ENPP6: variants seen among roughly 807,000 people sequenced by gnomAD.
ENPP6 encodes the protein ectonucleotide pyrophosphatase/phosphodiesterase 6.
A neutral mutation model predicts 42.0 loss-of-function variants in ENPP6; 32 were observed. That is an observed-to-expected ratio of 0.76 (90% confidence interval 0.58 to 1.02). The LOEUF (loss-of-function observed/expected upper bound fraction) is 1.02, where lower values mean the gene tolerates loss of function less well. ENPP6 is among the 50% of genes least tolerant of loss of function. ENPP6 has a pLI of 0.00. For synonymous variants in ENPP6, 213 were observed against 216.0 expected, an observed-to-expected ratio of 0.99 and a Z score of 0.12; for missense variants, 552 against 566.8, an observed-to-expected ratio of 0.97 and a Z score of 0.27.
Position 184,089,692 on chromosome 4 carries a change from GC to G in ENPP6, c.*1484del, listed in dbSNP as rs1231080937. 1 of 150,096 alleles carries G rather than the reference GC, an allele frequency of 6.7e-6. No homozygotes were observed. Among genetic ancestry groups the G allele is most frequent in the Non-Finnish European group, 1.5e-5 (1 of 67,398 alleles). The allele number at this position is 150,096 out of a possible 1,614,324, so 9.3% of individuals were successfully genotyped here. ...GTAGAGATGGGGGTCGCCCTGTGTT[GC>G]CCAAGTTAGTCTGGAACTCCTGGCC... On this transcript the variant is annotated 3_prime_UTR_variant, in exon 8 of 8. Transcript: ENST00000296741.
chr4:184,094,046 G>A (rs1158480754), intron 7 of ENPP6, among the ~76,000 whole-genome samples: 1 of 152,128 alleles, frequency 6.6e-6, no homozygotes. Flanking sequence ...TTGGGAGGCT[G>A]AGGCAGGAGG....
chr4:184,167,759 T>C (rs1184385336), intron 1 of ENPP6, among the ~76,000 whole-genome samples: 1 of 152,198 alleles, frequency 6.6e-6, no homozygotes, highest in Admixed American at 6.5e-5. Context: ...GCCTCTCAAG[T>C]CTCAGGAGTT....
intron 3 of ENPP6, among the ~76,000 whole-genome samples, chr4:184,118,782 G>A (rs1398016002): frequency 1.3e-5 from 2 of 152,114 alleles, no homozygotes; most frequent in Non-Finnish European, 1.5e-5. Context: ...GAGGAGTGAC[G>A]AGTAGTCATG....
At chr4:184,167,007 CAG>C (rs1560999022) in intron 1 of ENPP6, among the ~76,000 whole-genome samples, 1 of 152,236 alleles carries the variant, frequency 6.6e-6, no homozygotes, top group East Asian at 1.9e-4. Context: ...ATGCCATGGG[CAG>C]AGACACTGCA....
intron 1 of ENPP6, among the ~76,000 whole-genome samples, chr4:184,194,879 G>A (rs1429538702): frequency 6.6e-6 from 1 of 152,158 alleles, no homozygotes; most frequent in South Asian, 2.1e-4. Context: ...GCAATGACCA[G>A]TGCTGCTGCC....
At chr4:184,177,730 G>A (rs558738797) in intron 1 of ENPP6, among the ~76,000 whole-genome samples, 19 of 152,176 alleles carry the variant, frequency 1.2e-4, no homozygotes, top group Middle Eastern at 3.4e-3. Context: ...GAACCCAAGC[G>A]AATGGAGTCT....
intron 1 of ENPP6, among the ~76,000 whole-genome samples, chr4:184,203,663 C>T (rs538027760): frequency 4.1e-4 from 62 of 152,310 alleles, no homozygotes; most frequent in Admixed American, 2.9e-3. Flanking sequence ...CAGGGGAAAG[C>T]GCAGAACATG....
intron 2 of ENPP6, among the ~76,000 whole-genome samples, chr4:184,138,901 A>G (rs1344536489): frequency 6.6e-6 from 1 of 152,272 alleles, no homozygotes; most frequent in Non-Finnish European, 1.5e-5. Flanking sequence ...AGAGAGGAAG[A>G]AACTTCGAAG....
rs190114371 is a variant in ENPP6 at position 184,104,203 on chromosome 4, C to T, written c.994-6835G>A. Among the ~76,000 whole-genome samples, 9 of 152,250 alleles carry T rather than the reference C, an allele frequency of 5.9e-5. No individual in the cohort carries two copies. In the East Asian group the frequency reaches 7.7e-4, roughly 13 times the overall value. ...ACCACACTAGCTGTCACTAAAGCTCCGAAGCCACGTTTTCCAGATTGTCTT... is the reference window on the plus strand; with the variant it reads ...ACCACACTAGCTGTCACTAAAGCTCTGAAGCCACGTTTTCCAGATTGTCTT... On this transcript the variant is annotated intron_variant, in intron 6 of 7. Coordinates refer to ENST00000296741, the MANE Select transcript of ENPP6 (RefSeq NM_153343.4).
At chr4:184,111,752 T>C (rs1476303050) in intron 6 of ENPP6, among the ~76,000 whole-genome samples, 1 of 152,212 alleles carries the variant, frequency 6.6e-6, no homozygotes, top group African/African-American at 2.4e-5. Flanking sequence ...ACACAACCTG[T>C]GTGTTACATG....
chr4:184,091,522 A>G (rs1330833240), intron 7 of ENPP6, 140 bp from the exon 8 acceptor site: 1 of 737,884 alleles, frequency 1.4e-6, no homozygotes, highest in East Asian at 2.7e-5. Flanking sequence ...GGTGTGGCCT[A>G]GTGAGTGTGA....
chr4:184,171,172 G>C (rs1737455069), intron 1 of ENPP6, among the ~76,000 whole-genome samples: 1 of 152,218 alleles, frequency 6.6e-6, no homozygotes, highest in African/African-American at 2.4e-5. Context: ...TCAGAGGCTG[G>C]GGTAACCTGA....
chr4:184,131,240 C>CTA (rs1736620706), intron 2 of ENPP6, among the ~76,000 whole-genome samples: 1 of 44,440 alleles, frequency 2.3e-5, no homozygotes, highest in Non-Finnish European at 4.5e-5. Flanking sequence ...CTTTCCTTTT[C>CTA]TTTCTTTCTT....
chr4:184,204,248 C>A (rs1732954914), intron 1 of ENPP6: 1 of 152,140 alleles, frequency 6.6e-6, no homozygotes, highest in Non-Finnish European at 1.5e-5. Flanking sequence ...GGGGGCAGGG[C>A]ATAAACACAT....
intron 5 of ENPP6, among the ~76,000 whole-genome samples, chr4:184,114,599 C>T (rs1001917376): frequency 4.6e-5 from 7 of 152,178 alleles, no homozygotes; most frequent in African/African-American, 1.4e-4. Flanking sequence ...GTCGCCCAAA[C>T]ATGGCCCCCG....
intron 1 of ENPP6, among the ~76,000 whole-genome samples, chr4:184,160,510 G>A (rs771494992): frequency 3.3e-5 from 5 of 151,866 alleles, no homozygotes; most frequent in East Asian, 1.9e-4. Context: ...GAGAACAGAC[G>A]TTATTTAATC....
At chr4:184,160,554 T>C (rs1019605176) in intron 1 of ENPP6, among the ~76,000 whole-genome samples, 1 of 152,212 alleles carries the variant, frequency 6.6e-6, no homozygotes, top group Non-Finnish European at 1.5e-5. Context: ...ATCTGAATTG[T>C]GCAAAGCAGA....
intron 1 of ENPP6, among the ~76,000 whole-genome samples, chr4:184,169,285 G>A (rs1441263864): frequency 6.6e-6 from 1 of 152,042 alleles, no homozygotes; most frequent in Non-Finnish European, 1.5e-5. Flanking sequence ...CAGGATCCAG[G>A]CTGGGCGGGA....
chr4:184,150,407 G>A (rs1188905980), intron 2 of ENPP6, among the ~76,000 whole-genome samples: 1 of 152,156 alleles, frequency 6.6e-6, no homozygotes, highest in Non-Finnish European at 1.5e-5. Flanking sequence ...GCCTCACCGA[G>A]AGGTCTGTAC....
Sources: gnomAD v4.1 joint callset for allele counts (sites outside exome capture counted in the v4.1 genomes callset) on GRCh38, gnomAD v4.1.1 for gene constraint, MANE v1.5 for transcripts, NCBI Gene and HGNC (gene_info 2026-07-23, HGNC 2026-07-21) for gene names.